The following AKT2 variants were observed in gnomAD, a reference collection of about 807,000 sequenced individuals.
The protein encoded by AKT2 is AKT serine/threonine kinase 2.
In AKT2, 16 loss-of-function variants were observed where a neutral mutation model predicts 58.6. The observed-to-expected ratio is 0.27, with a 90% CI of 0.18 to 0.41. The LOEUF is 0.41. AKT2 is among the 10% of genes least tolerant of loss of function. The probability of loss-of-function intolerance (pLI) is 1.00; values close to 1 mark genes in which losing one functional copy is unlikely to be tolerated. For synonymous variants in AKT2, 253 were observed against 254.0 expected, an observed-to-expected ratio of 1.00 and a Z score of 0.04; for missense variants, 438 against 661.0, an observed-to-expected ratio of 0.66 and a Z score of 3.70.
Position 40,285,287 on chromosome 19 carries a change from G to A in AKT2, c.-191C>T. ...GTTTCCCGGCAGCGGCAACGGCGCC[G>A]GCAGCGGCAGCGGCGGCGGCGACGC... On this transcript the variant is annotated 5_prime_UTR_variant, in exon 1 of 14. Transcript: ENST00000392038. The A allele has an allele frequency of 2.5e-6, 1 of 395,046 alleles. No individual in the cohort carries two copies. Among genetic ancestry groups the A allele is most frequent in the Non-Finnish European group, 4.5e-6 (1 of 223,842 alleles). 24.5% of individuals were successfully genotyped at this position (395,046 alleles called of 1,614,324 possible).
intron 1 of AKT2, 24 bp downstream of exon 1, chr19:40,285,157 G>C (rs2077492875): frequency 2.5e-6 from 1 of 393,362 alleles, no homozygotes. Flanking sequence ...GGGGGCGTTC[G>C]GGGACACGCG....
rs549337122 is a variant in AKT2, at chr19:40,234,867, T to C, written c.1366+178A>G. The stretch of plus-strand genomic sequence containing the variant: ...ACGTGCTGCAGTCAATGGCTCCTGG[T>C]GGCCTCACCAGGTCCAAAGAGGACC... On this transcript the variant is annotated intron_variant, in intron 13 of 13. Coordinates refer to ENST00000392038, the MANE Select transcript of AKT2 (RefSeq NM_001626.6). The surrounding 1 kb of genome is among the most constrained non-coding windows in gnomAD (Gnocchi z 4.7). The C allele has an allele frequency of 8.6e-6, 6 of 701,566 alleles. No homozygotes were observed. In the East Asian group the frequency reaches 1.6e-4, roughly 19 times the overall value. The allele number at this position is 701,566 out of a possible 1,614,324, so 43.5% of individuals were successfully genotyped here. A position where few individuals can be genotyped will look rare whatever the true frequency, so the allele number is the denominator to read the frequency against.
Position 40,235,338 on chromosome 19 carries a change from C to T in AKT2, c.1188G>A (p.Gly396=), listed in dbSNP as rs1223066365. 6 of 1,613,548 alleles carry T rather than the reference C, an allele frequency of 3.7e-6. No individual in the cohort carries two copies. Among genetic ancestry groups the T allele is most frequent in the African/African-American group, 1.3e-5 (1 of 74,924 alleles). Residue 396 remains glycine, a synonymous_variant, in exon 12 of 14, where the codon GGG becomes GGA. Coordinates refer to ENST00000392038, the MANE Select transcript of AKT2 (RefSeq NM_001626.6). This position sits in a 1 kb window ranked among gnomAD's most constrained non-coding sequence, Gnocchi z 6.3. ...CCATGACCTCCTTGGCATCGCTGGG[C>T]CCCCCACCAAGCCTGTGCAGAGACG... The part of the protein sequence containing the change: ...KKDPKQRLGG[G]PSDAKEVMEH...
rs1405308405 is a variant in AKT2, at chr19:40,237,228, C to T, written c.831+741G>A. ...GATACTTGGGTTGTTCCAGTTGGGG[C>T]TAGAGTAAGTCCTGCTGCTGAGTGA... On this transcript the variant is annotated intron_variant, in intron 9 of 13. Coordinates refer to ENST00000392038, the MANE Select transcript of AKT2 (RefSeq NM_001626.6). This position sits in a 1 kb window ranked among gnomAD's most constrained non-coding sequence, Gnocchi z 4.5. The T allele has an allele frequency of 1.9e-5, 3 of 154,030 alleles. No homozygotes were observed. The highest frequency in any genetic ancestry group is 7.2e-5 in the African/African-American group (3 of 41,444). The allele number at this position is 154,030 out of a possible 1,614,324, so 9.5% of individuals were successfully genotyped here. A position where few individuals can be genotyped will look rare whatever the true frequency, so the allele number is the denominator to read the frequency against.
At chr19:40,285,014 G>A in intron 1 of AKT2, 167 bp downstream of exon 1, 1 of 378,628 alleles carries the variant, frequency 2.6e-6, no homozygotes, top group Non-Finnish European at 4.7e-6. Flanking sequence ...CCCGAGGCTG[G>A]TCCCACCGCC....
chr19:40,234,897 G>C lies in AKT2; in HGVS notation c.1366+148C>G, dbSNP rs1371339858. Reference sequence around the variant, plus strand: ...TCACCAGGTCCAAAGAGGACCAACAGCAAAAGGGCCTGAGAGCAGACTTGG... The same window carrying C: ...TCACCAGGTCCAAAGAGGACCAACACCAAAAGGGCCTGAGAGCAGACTTGG... On this transcript the variant is annotated intron_variant, in intron 13 of 13. Coordinates refer to ENST00000392038, the MANE Select transcript of AKT2 (RefSeq NM_001626.6). The surrounding 1 kb of genome is among the most constrained non-coding windows in gnomAD (Gnocchi z 4.7). 1 of 798,062 alleles carries C rather than the reference G, an allele frequency of 1.3e-6. No individual in the cohort carries two copies. Among genetic ancestry groups the C allele is most frequent in the Non-Finnish European group, 2.1e-6 (1 of 468,852 alleles). The allele number at this position is 798,062 out of a possible 1,614,324, so 49.4% of individuals were successfully genotyped here.
chr19:40,280,170 G>A (rs917258223), intron 1 of AKT2, among the ~76,000 whole-genome samples: 13 of 152,212 alleles, frequency 8.5e-5, no homozygotes, highest in Non-Finnish European at 1.2e-4. Context: ...ACAGGCCCAC[G>A]GCAGCGTGGA....
chr19:40,236,461 A>G, intron 9 of AKT2, 76 bp from the exon 10 acceptor site: 2 of 1,601,544 alleles, frequency 1.2e-6, no homozygotes, highest in South Asian at 2.2e-5. Flanking sequence ...TTCCAGGGAA[A>G]GATGCCCGGG....
chr19:40,278,581 G>A (rs1462980586), intron 1 of AKT2, among the ~76,000 whole-genome samples: 1 of 151,966 alleles, frequency 6.6e-6, no homozygotes, highest in Non-Finnish European at 1.5e-5. Context: ...TCACATTCCT[G>A]TCTGGAGCCC....
chr19:40,266,840 T>G (rs568561848), intron 1 of AKT2, among the ~76,000 whole-genome samples: 41 of 152,276 alleles, frequency 2.7e-4, no homozygotes, highest in African/African-American at 9.6e-4. Flanking sequence ...CATGGTGCTG[T>G]GCACCTGTAA....
chr19:40,268,109 C>T (rs1466315446), intron 1 of AKT2, among the ~76,000 whole-genome samples: 5 of 151,476 alleles, frequency 3.3e-5, no homozygotes, highest in Admixed American at 1.3e-4. Flanking sequence ...GTCCCCTACA[C>T]GGACCTACAC....
intron 7 of AKT2, chr19:40,239,438 G>A (rs1974244042): frequency 3.8e-6 from 1 of 266,002 alleles, no homozygotes; most frequent in Non-Finnish European, 7.3e-6. Flanking sequence ...ACTCCCACCA[G>A]GGGGTCCTTC....
chr19:40,237,978 G>C lies in AKT2; in HGVS notation c.822C>G (p.Arg274=), dbSNP rs758906645. 9 of 1,613,562 alleles carry C rather than the reference G, an allele frequency of 5.6e-6. No individual in the cohort carries two copies. The Admixed American group carries it at 1.5e-4, about 27-fold the overall frequency. The change falls in exon 9 of 14, where the codon CGC becomes CGG. Residue 274 remains arginine (R), a synonymous_variant. Coordinates refer to ENST00000392038, the MANE Select transcript of AKT2 (RefSeq NM_001626.6). The surrounding 1 kb of genome is among the most constrained non-coding windows in gnomAD (Gnocchi z 4.5). Reference sequence around the variant, plus strand: ...ACACCCTGCCACTAACCTTGATGTCGCGGTATACCACGTCCCGCGAGTGCA... The same window carrying C: ...ACACCCTGCCACTAACCTTGATGTCCCGGTATACCACGTCCCGCGAGTGCA... ...EYLHSRDVVY[R]DIKLENLMLD... is the part of the protein sequence containing the mutation.
At chr19:40,282,403 C>A in intron 1 of AKT2, 1 of 442,256 alleles carries the variant, frequency 2.3e-6, no homozygotes, top group South Asian at 1.6e-5. Flanking sequence ...CTGTGTCACC[C>A]CCTGCATGGC....
At chr19:40,253,459 T>C (rs142515817) in intron 4 of AKT2, among the ~76,000 whole-genome samples, 1 of 151,276 alleles carries the variant, frequency 6.6e-6, no homozygotes, top group South Asian at 2.1e-4. Context: ...AACAGAAAAA[T>C]AGACAATATA....
At chr19:40,254,604 G>C (rs534154254) in intron 4 of AKT2, among the ~76,000 whole-genome samples, 5 of 151,794 alleles carry the variant, frequency 3.3e-5, no homozygotes, top group African/African-American at 1.2e-4. Flanking sequence ...GAGGCAGGCG[G>C]ATCACCTGAG....
intron 4 of AKT2, among the ~76,000 whole-genome samples, chr19:40,248,788 A>T (rs1015729761): frequency 2.8e-5 from 4 of 145,040 alleles, no homozygotes; most frequent in East Asian, 2.0e-4. Flanking sequence ...GAGGACAGGG[A>T]GGAGTGGAGG....
chr19:40,265,395 A>C, intron 1 of AKT2, 44 bp from the exon 2 acceptor site: 1 of 1,530,030 alleles, frequency 6.5e-7, no homozygotes, highest in Non-Finnish European at 8.8e-7. Flanking sequence ...AGGGGATTCC[A>C]CACCAGCCCC....
rs2145182235 is a variant in AKT2, at chr19:40,238,563, A to C, written c.708+342T>G. 6.6e-6 allele frequency among the ~76,000 whole-genome samples: 1 copy of C among 152,230 alleles called. No individual in the cohort carries two copies. Among genetic ancestry groups the C allele is most frequent in the East Asian group, 1.9e-4 (1 of 5,166 alleles). On this transcript the variant is annotated intron_variant, in intron 8 of 13. Coordinates refer to ENST00000392038, the MANE Select transcript of AKT2 (RefSeq NM_001626.6). The surrounding 1 kb of genome is among the most constrained non-coding windows in gnomAD (Gnocchi z 5.1). ...TCACTTCGAGAGGACACGGGAACGG[A>C]GGGCTGCTAGGTTTTAACCCTTGGG... is the stretch of plus-strand genomic sequence containing the variant.
Sources: gnomAD v4.1 joint callset for allele counts (sites outside exome capture counted in the v4.1 genomes callset) on GRCh38, gnomAD v4.1.1 for gene constraint, Gnocchi (gnomAD v3.1) non-coding constraint, MANE v1.5 for transcripts, NCBI Gene and HGNC (gene_info 2026-07-23, HGNC 2026-07-21) for gene names.